ME3: variants seen among roughly 807,000 people sequenced by gnomAD.
The protein encoded by ME3 is malic enzyme 3, also known as NADP-dependent malic enzyme, mitochondrial.
ME3 carries 48 observed loss-of-function variants against 68.9 expected under a neutral mutation model. The ratio of observed to expected loss-of-function variants is 0.70; its 90% CI spans 0.55 to 0.89. ME3 has a LOEUF of 0.89. Ranked by LOEUF, ME3 falls within the 40% of genes least tolerant of loss-of-function variation. The pLI is 0.00. For missense variants in ME3, 675 were observed against 797.4 expected (o/e 0.85, Z 1.85); for synonymous variants, 320 against 318.8 (o/e 1.00, Z -0.04).
At chr11:86,494,350 C>T (rs866556088) in intron 6 of ME3, among the ~76,000 whole-genome samples, 3 of 152,196 alleles carry the variant, frequency 2.0e-5, no homozygotes, top group Non-Finnish European at 4.4e-5. Flanking sequence ...GAGCAGTGCA[C>T]CACAGTGGGC....
intron 2 of ME3, among the ~76,000 whole-genome samples, chr11:86,606,613 T>G (rs141870509): frequency 1.3e-5 from 2 of 152,324 alleles, no homozygotes; most frequent in East Asian, 3.9e-4. Context: ...GTTCACCAGA[T>G]GCTGATCAGG....
intron 2 of ME3, among the ~76,000 whole-genome samples, chr11:86,596,085 C>CA (rs1264895913): frequency 6.6e-6 from 1 of 152,210 alleles, no homozygotes; most frequent in African/African-American, 2.4e-5. Context: ...TTTCCCTTGA[C>CA]AACTCACACT....
intron 2 of ME3, among the ~76,000 whole-genome samples, chr11:86,576,225 TG>T (rs1958102230): frequency 6.6e-6 from 1 of 152,040 alleles, no homozygotes; most frequent in African/African-American, 2.4e-5. Context: ...GGAAAGTGGT[TG>T]GGGGAGGTGG....
intron 2 of ME3, among the ~76,000 whole-genome samples, chr11:86,654,131 G>T (rs1275709664): frequency 6.6e-6 from 1 of 152,108 alleles, no homozygotes. Context: ...AAAAATCCAG[G>T]ACCAGATGGA....
downstream of ME3, among the ~76,000 whole-genome samples, chr11:86,437,847 A>AGG (rs1447233899): frequency 8.5e-6 from 1 of 118,026 alleles, no homozygotes; most frequent in Non-Finnish European, 1.8e-5. Context: ...AGAGAGAGAG[A>AGG]GAGGAGAGAG....
chr11:86,567,215 CAGAA>C (rs200604304), intron 2 of ME3, among the ~76,000 whole-genome samples: 8 of 105,868 alleles, frequency 7.6e-5, no homozygotes, highest in Non-Finnish European at 1.0e-4. Context: ...GAAACTCTGT[CAGAA>C]AGAAAGAAAG....
chr11:86,574,263 G>A (rs963499131), intron 2 of ME3, among the ~76,000 whole-genome samples: 1 of 152,070 alleles, frequency 6.6e-6, no homozygotes, highest in African/African-American at 2.4e-5. Context: ...GAGATGTGTT[G>A]AGATCATTTG....
At chr11:86,462,634 A>G (rs1485156461) in intron 8 of ME3, 47 of 1,278,282 alleles carry the variant, frequency 3.7e-5, no homozygotes, top group East Asian at 5.6e-5. Context: ...TATTCTTTAA[A>G]CATTTATTAG....
downstream of ME3, among the ~76,000 whole-genome samples, chr11:86,440,103 T>C (rs1948929432): frequency 6.6e-6 from 1 of 152,136 alleles, no homozygotes; most frequent in Admixed American, 6.5e-5. Flanking sequence ...TCCTTGAGAG[T>C]TGGTCATATA....
Position 86,448,030 on chromosome 11 carries a change from G to A in ME3, c.1237+120C>T, listed in dbSNP as rs1330867507. 7.4e-6 allele frequency: 5 copies of A among 671,664 alleles called. No individual in the cohort carries two copies. In the Admixed American group the frequency reaches 1.1e-4, roughly 15 times the overall value. 41.6% of individuals were successfully genotyped at this position (671,664 alleles called of 1,614,324 possible). ...AGTTTGTGGCATTGAATTGCACATG[G>A]GATAGGGGAAAGAGCTGTTTCCATG... On this transcript the variant is annotated intron_variant, in intron 11 of 14. Transcript: ENST00000543262.
At chr11:86,473,554 AG>A (rs1950898403) in intron 7 of ME3, among the ~76,000 whole-genome samples, 2 of 152,152 alleles carry the variant, frequency 1.3e-5, no homozygotes, top group South Asian at 4.1e-4. Context: ...GAGAGATGAC[AG>A]GGCTGGTGAG....
At chr11:86,560,748 G>GTGTA (rs1243025217) in intron 2 of ME3, among the ~76,000 whole-genome samples, 6 of 62,524 alleles carry the variant, frequency 9.6e-5, no homozygotes, top group African/African-American at 3.5e-4. Context: ...GTGTGTGTGT[G>GTGTA]TATATATATA....
intron 4 of ME3, among the ~76,000 whole-genome samples, chr11:86,516,675 G>A (rs894680393): frequency 6.6e-6 from 1 of 152,178 alleles, no homozygotes; most frequent in African/African-American, 2.4e-5. Flanking sequence ...ACAGGCATGA[G>A]CCACCGTGCC....
intron 5 of ME3, among the ~76,000 whole-genome samples, chr11:86,503,805 C>G (rs755358346): frequency 1.6e-4 from 25 of 152,312 alleles, no homozygotes; most frequent in Non-Finnish European, 2.1e-4. Flanking sequence ...AGAACCTCCT[C>G]CTGCGAAGCT....
chr11:86,483,022 G>A (rs749841663), intron 7 of ME3, among the ~76,000 whole-genome samples: 1 of 152,210 alleles, frequency 6.6e-6, no homozygotes, highest in East Asian at 1.9e-4. Context: ...CAGATCAAGA[G>A]GCAAGTGAAC....
intron 8 of ME3, among the ~76,000 whole-genome samples, chr11:86,459,584 T>TA (rs111554702): frequency 0.051 from 7,728 of 152,232 alleles, 217 homozygotes; most frequent in South Asian, 0.099. Flanking sequence ...GCTGGCCTTA[T>TA]AAAAAAACCC....
At chr11:86,474,278 C>T (rs1352441761) in intron 7 of ME3, among the ~76,000 whole-genome samples, 1 of 152,212 alleles carries the variant, frequency 6.6e-6, no homozygotes, top group Admixed American at 6.5e-5. Flanking sequence ...GCAAAAGTCC[C>T]AGGATAATGT....
intron 8 of ME3, among the ~76,000 whole-genome samples, chr11:86,461,730 C>A (rs1950232912): frequency 1.3e-5 from 2 of 152,162 alleles, no homozygotes; most frequent in Admixed American, 6.5e-5. Flanking sequence ...ACAAGTCTTT[C>A]CTTGAAGGAG....
chr11:86,577,648 A>C (rs1958191375), intron 2 of ME3, among the ~76,000 whole-genome samples: 1 of 152,244 alleles, frequency 6.6e-6, no homozygotes, highest in South Asian at 2.1e-4. Context: ...TTTTTAAAAA[A>C]TGAGCTCATT....
Sources: allele counts gnomAD v4.1 joint callset (sites outside exome capture counted in the v4.1 genomes callset), GRCh38; gene constraint gnomAD v4.1.1; transcripts MANE v1.5; gene names NCBI Gene and HGNC (gene_info 2026-07-23, HGNC 2026-07-21).